Variants in GLRA2 observed in about 807,000 individuals in gnomAD.
The protein encoded by GLRA2 is glycine receptor alpha 2, also known as glycine receptor subunit alpha-2.
Under a neutral mutation model 31.6 loss-of-function variants are expected in GLRA2, and 11 were observed. The observed-to-expected ratio is 0.35, with a 90% CI of 0.22 to 0.58. The LOEUF (loss-of-function observed/expected upper bound fraction) is 0.58. Among genes scored for constraint, GLRA2 ranks in the 20% least tolerant of loss-of-function variants. The pLI is 0.84. For missense variants in GLRA2, 212 were observed against 351.8 expected (o/e 0.60, Z 3.18); for synonymous variants, 132 against 134.0 (o/e 0.99, Z 0.10).
chrX:14,500,002 C>T, the GLRA2 span, among the ~76,000 whole-genome samples: 1 of 111,816 alleles, frequency 8.9e-6, no homozygotes, highest in South Asian at 3.7e-4. Flanking sequence ...CAAATATTTT[C>T]TTCCACTTTG....
At chrX:14,670,073 C>T (rs986958289) in intron 7 of GLRA2, among the ~76,000 whole-genome samples, 1 of 111,966 alleles carries the variant, frequency 8.9e-6, no homozygotes, top group Non-Finnish European at 1.9e-5. Flanking sequence ...TAAATCATCT[C>T]TCTCAAGTTC....
chrX:14,702,846 C>T (rs1049766473), intron 8 of GLRA2, among the ~76,000 whole-genome samples: 1 of 111,387 alleles, frequency 9.0e-6, no homozygotes, highest in Non-Finnish European at 1.9e-5. Flanking sequence ...AAGGTGGCTC[C>T]TCACAGCATG....
chrX:14,469,040 A>T, the GLRA2 span, among the ~76,000 whole-genome samples: 2,556 of 111,000 alleles, frequency 0.023, 68 homozygotes, highest in African/African-American at 0.08. Flanking sequence ...AATTTGTTTG[A>T]GTTCATTGTA....
the GLRA2 span, among the ~76,000 whole-genome samples, chrX:14,523,737 C>T: frequency 2.7e-5 from 3 of 111,717 alleles, no homozygotes; most frequent in Non-Finnish European, 5.6e-5. Flanking sequence ...AGTCGGAACA[C>T]ATACAACATT....
At chrX:14,664,949 C>T (rs780464374) in intron 7 of GLRA2, among the ~76,000 whole-genome samples, 1 of 111,586 alleles carries the variant, frequency 9.0e-6, no homozygotes, top group African/African-American at 3.3e-5. Flanking sequence ...CATTGGTACT[C>T]AGATATGGAT....
At position 14,731,640 on chromosome X, in the gene GLRA2, C is replaced by T. The variant is rs916041201; in HGVS notation, c.*1155C>T. The stretch of plus-strand genomic sequence containing the variant: ...CGTTGCCTTTTTGGTACCAGAGCTA[C>T]GTGGTTTGAATTCTGGCTACATGTT... On this transcript the variant is annotated 3_prime_UTR_variant, in exon 9 of 9. Transcript: ENST00000218075. The T allele has an allele frequency of 9.0e-6, 1 of 111,023 alleles. No homozygotes were observed. Among genetic ancestry groups the T allele is most frequent in the Non-Finnish European group, 1.9e-5 (1 of 52,929 alleles). The allele number at this position is 111,023 out of a possible 1,213,427, so 9.1% of individuals were successfully genotyped here. A position where few individuals can be genotyped will look rare whatever the true frequency, so the allele number is the denominator to read the frequency against.
At chrX:14,474,522 G>A in the GLRA2 span, among the ~76,000 whole-genome samples, 1 of 111,388 alleles carries the variant, frequency 9.0e-6, no homozygotes, top group Admixed American at 9.5e-5. Flanking sequence ...TTTATAGATT[G>A]GAAATCTGGG....
intron 7 of GLRA2, among the ~76,000 whole-genome samples, chrX:14,685,394 C>T (rs1259959099): frequency 9.0e-6 from 1 of 111,716 alleles, no homozygotes; most frequent in Non-Finnish European, 1.9e-5. Context: ...AAGAATGGTA[C>T]CATCTCCTCT....
At chrX:14,452,131 A>C in the GLRA2 span, among the ~76,000 whole-genome samples, 1 of 112,377 alleles carries the variant, frequency 8.9e-6, no homozygotes, top group Non-Finnish European at 1.9e-5. Context: ...TCCATGTAAC[A>C]AACCTGCATA....
the GLRA2 span, among the ~76,000 whole-genome samples, chrX:14,458,879 C>A: frequency 3.0e-3 from 339 of 111,418 alleles, no homozygotes; most frequent in African/African-American, 7.0e-3. Flanking sequence ...TAGTTTAATT[C>A]GATCCCATTT....
chrX:14,548,087 G>A, intron 2 of GLRA2, among the ~76,000 whole-genome samples: 1 of 111,891 alleles, frequency 8.9e-6, no homozygotes, highest in Non-Finnish European at 1.9e-5. Flanking sequence ...AATTCATGAA[G>A]TCCCTCCATA....
chrX:14,526,682 T>C (rs1321339775), upstream of GLRA2, among the ~76,000 whole-genome samples: 1 of 111,927 alleles, frequency 8.9e-6, no homozygotes, highest in Non-Finnish European at 1.9e-5. Context: ...TTGGAGGAAT[T>C]ATCAGAAGTT....
chrX:14,454,601 T>C, the GLRA2 span, among the ~76,000 whole-genome samples: 2 of 109,778 alleles, frequency 1.8e-5, no homozygotes, highest in East Asian at 2.9e-4. Context: ...TCCAACCTTA[T>C]TGATAATTTC....
chrX:14,519,353 A>G, the GLRA2 span, among the ~76,000 whole-genome samples: 1 of 111,555 alleles, frequency 9.0e-6, no homozygotes, highest in African/African-American at 3.3e-5. Context: ...GTTAGAGGTG[A>G]CATCCTCAGT....
intron 7 of GLRA2, among the ~76,000 whole-genome samples, chrX:14,689,233 A>C (rs770068461): frequency 2.7e-5 from 3 of 112,395 alleles, no homozygotes; most frequent in Non-Finnish European, 5.6e-5. Context: ...AAGTTGATCC[A>C]ACAAATAATC....
chrX:14,683,877 C>A (rs973907703), intron 7 of GLRA2, among the ~76,000 whole-genome samples: 3 of 108,833 alleles, frequency 2.8e-5, no homozygotes, highest in African/African-American at 1.0e-4. Flanking sequence ...TGCACATGTA[C>A]CCTAAAACTT....
chrX:14,472,917 G>A, the GLRA2 span, among the ~76,000 whole-genome samples: 3 of 111,405 alleles, frequency 2.7e-5, no homozygotes, highest in Non-Finnish European at 5.7e-5. Flanking sequence ...AGAAGAGAGA[G>A]AGTAGAGTTC....
chrX:14,486,665 A>G, the GLRA2 span, among the ~76,000 whole-genome samples: 1 of 111,921 alleles, frequency 8.9e-6, no homozygotes, highest in Non-Finnish European at 1.9e-5. Flanking sequence ...CCAGATAAAC[A>G]CAAATTTAAA....
intron 2 of GLRA2, among the ~76,000 whole-genome samples, chrX:14,573,777 G>A (rs2188929): frequency 0.4 from 43,469 of 109,086 alleles, 7,916 homozygotes; most frequent in African/African-American, 0.71. Context: ...AGTTAATTTT[G>A]TTTGTTATAT....
Sources: allele counts gnomAD v4.1 joint callset (sites outside exome capture counted in the v4.1 genomes callset), GRCh38; gene constraint gnomAD v4.1.1; transcripts MANE v1.5; gene names NCBI Gene and HGNC (gene_info 2026-07-23, HGNC 2026-07-21).